Variants in DIS3L2 observed in about 807,000 individuals in gnomAD.
DIS3L2 encodes the protein DIS3 like 3'-5' exoribonuclease 2.
DIS3L2 carries 34 observed loss-of-function variants against 97.5 expected under a neutral mutation model. That is an observed-to-expected ratio of 0.35 (90% CI 0.27 to 0.46). The LOEUF (loss-of-function observed/expected upper bound fraction) is 0.46. Ranked by LOEUF, DIS3L2 falls within the 20% of genes least tolerant of loss-of-function variation. The pLI is 1.00. For synonymous variants in DIS3L2, 435 were observed against 445.2 expected (o/e 0.98, Z 0.29); for missense variants, 1,038 against 1,146.0 (o/e 0.91, Z 1.36).
rs1215895791 is a variant in DIS3L2 at position 232,293,026 on chromosome 2, A to G, written c.1660-7014A>G. Among the ~76,000 whole-genome samples, 1 of 152,162 alleles carries G rather than the reference A, an allele frequency of 6.6e-6. No homozygotes were observed. Among genetic ancestry groups the G allele is most frequent in the Non-Finnish European group, 1.5e-5 (1 of 68,030 alleles). On this transcript the variant is annotated intron_variant, in intron 13 of 20. Transcript: ENST00000325385. This position sits in a 1 kb window ranked among gnomAD's most constrained non-coding sequence, Gnocchi z 4.6. ...ACCTTGTGAAGTCTGAGTGGCTGCC[A>G]TTCTTGCAGGCTGACTTCCCAAGCT...
intron 13 of DIS3L2, among the ~76,000 whole-genome samples, chr2:232,283,793 A>C (rs1018792566): frequency 6.6e-6 from 1 of 151,884 alleles, no homozygotes; most frequent in African/African-American, 2.4e-5. Context: ...TGGCGGGGGG[A>C]GCAGAGGGTG....
chr2:232,225,651 A>ACCACCC (rs1692624686), intron 10 of DIS3L2, among the ~76,000 whole-genome samples: 2 of 152,306 alleles, frequency 1.3e-5, no homozygotes, highest in Non-Finnish European at 2.9e-5. Flanking sequence ...GTGGTTACCT[A>ACCACCC]AGTATATTTA....
At chr2:232,182,226 A>G (rs1227332344) in intron 9 of DIS3L2, among the ~76,000 whole-genome samples, 5 of 152,090 alleles carry the variant, frequency 3.3e-5, no homozygotes, top group Non-Finnish European at 1.5e-5. Context: ...TAATTTCTAC[A>G]TACTTGTGAA....
intron 1 of DIS3L2, among the ~76,000 whole-genome samples, chr2:232,003,100 G>A (rs1055223567): frequency 7.9e-5 from 12 of 152,166 alleles, no homozygotes; most frequent in East Asian, 3.8e-4. Flanking sequence ...TTAAAAAGAC[G>A]CTAAATTATT....
At chr2:232,115,328 A>G (rs886887133) in intron 6 of DIS3L2, among the ~76,000 whole-genome samples, 1 of 152,174 alleles carries the variant, frequency 6.6e-6, no homozygotes, top group East Asian at 1.9e-4. Flanking sequence ...AAACAAACCT[A>G]ATTCTGACAA....
intron 4 of DIS3L2, 115 bp from the exon 5 acceptor site, chr2:232,029,864 A>T: frequency 5.5e-6 from 4 of 721,130 alleles, no homozygotes; most frequent in Non-Finnish European, 9.2e-6. Flanking sequence ...AATACGAAAA[A>T]GGATAACCTA....
rs1693429953 is a variant in DIS3L2 at position 232,251,955 on chromosome 2, GAAGA to G, written c.1425+2614_1425+2617del. On this transcript the variant is annotated intron_variant, in intron 12 of 20. Transcript: ENST00000325385. ...TCACCAAAATGAAGGAGGAGTAAATGAAGAAAGAGGAAGACATGGGACGCAGGAA... is the reference window on the plus strand; with the variant it reads ...TCACCAAAATGAAGGAGGAGTAAATGAAGAGGAAGACATGGGACGCAGGAA... Among the ~76,000 whole-genome samples the G allele has an allele frequency of 2.6e-5, 4 of 152,058 alleles. No individual in the cohort carries two copies. In the South Asian group the frequency reaches 8.3e-4, roughly 32 times the overall value.
In DIS3L2 at chr2:232,210,272, G is replaced by T. The variant is rs547161091; in HGVS notation, c.1125-54G>T. 93 of 1,381,590 alleles carry T rather than the reference G, an allele frequency of 6.7e-5. No homozygotes were observed. In the East Asian group the frequency reaches 2.0e-3, roughly 30 times the overall value. The allele number at this position is 1,381,590 out of a possible 1,614,324, so 85.6% of individuals were successfully genotyped here. A position where few individuals can be genotyped will look rare whatever the true frequency, so the allele number is the denominator to read the frequency against. Reference sequence around the variant, plus strand: ...GTTCTTTAAAGCTGTACTATGGTGGGGTAAAGTTGCTATTATTTGTGGCAT... The same window carrying T: ...GTTCTTTAAAGCTGTACTATGGTGGTGTAAAGTTGCTATTATTTGTGGCAT... On this transcript the variant is annotated intron_variant, in intron 9 of 20. Transcript: ENST00000325385.
chr2:232,092,387 ATT>A (rs1696871126), intron 6 of DIS3L2, among the ~76,000 whole-genome samples: 1 of 151,570 alleles, frequency 6.6e-6, no homozygotes, highest in African/African-American at 2.4e-5. Flanking sequence ...AGCTTTGACT[ATT>A]TTGGATCTTT....
At chr2:232,326,486 C>T (rs975683056) in intron 14 of DIS3L2, among the ~76,000 whole-genome samples, 7 of 152,224 alleles carry the variant, frequency 4.6e-5, no homozygotes, top group African/African-American at 1.7e-4. Context: ...CAGGGGTCAG[C>T]CCCACCTTCA....
In DIS3L2 at chr2:232,037,281, G is replaced by A. The variant is rs1430396818; in HGVS notation, c.366+7201G>A. On this transcript the variant is annotated intron_variant, in intron 5 of 20. Coordinates refer to ENST00000325385, the MANE Select transcript of DIS3L2 (RefSeq NM_152383.5). The surrounding 1 kb of genome is among the most constrained non-coding windows in gnomAD (Gnocchi z 4.6). ...GGTAGTCTGGCTACAGGGGCTTTGCGGTGCTGTGGTGGGCTCCGCCCAGCT... is the reference window on the plus strand; with the variant it reads ...GGTAGTCTGGCTACAGGGGCTTTGCAGTGCTGTGGTGGGCTCCGCCCAGCT... Among the ~76,000 whole-genome samples the A allele has an allele frequency of 6.6e-6, 1 of 152,220 alleles. No individual in the cohort carries two copies. The highest frequency in any genetic ancestry group is 1.5e-5 in the Non-Finnish European group (1 of 68,040).
chr2:232,225,437 C>T (rs568128678), intron 10 of DIS3L2, among the ~76,000 whole-genome samples: 12 of 152,004 alleles, frequency 7.9e-5, no homozygotes, highest in Non-Finnish European at 1.5e-4. Context: ...ATATCAAAAA[C>T]GCTGTGTTGA....
At chr2:232,240,077 C>G (rs1574965871) in intron 11 of DIS3L2, among the ~76,000 whole-genome samples, 1 of 152,228 alleles carries the variant, frequency 6.6e-6, no homozygotes, top group Non-Finnish European at 1.5e-5. Context: ...ACAAAGGGAG[C>G]TAGCCTAGAT....
At chr2:231,966,089 A>G (rs1319626211) in intron 1 of DIS3L2, among the ~76,000 whole-genome samples, 3 of 152,184 alleles carry the variant, frequency 2.0e-5, no homozygotes, top group African/African-American at 7.2e-5. Context: ...ATGAGTGGAT[A>G]GATCCCTCTG....
intron 9 of DIS3L2, among the ~76,000 whole-genome samples, chr2:232,194,078 C>A (rs1691684311): frequency 6.6e-6 from 1 of 151,874 alleles, no homozygotes; most frequent in Non-Finnish European, 1.5e-5. Flanking sequence ...CCACTGAACT[C>A]CAGCCTGGGT....
chr2:232,102,594 AC>A (rs1393866181), intron 6 of DIS3L2, among the ~76,000 whole-genome samples: 1 of 152,242 alleles, frequency 6.6e-6, no homozygotes, highest in East Asian at 1.9e-4. Flanking sequence ...GTGCAAACAC[AC>A]GTGCATATAC....
intron 1 of DIS3L2, among the ~76,000 whole-genome samples, chr2:231,974,980 A>G (rs1693039312): frequency 6.6e-6 from 1 of 152,238 alleles, no homozygotes; most frequent in South Asian, 2.1e-4. Context: ...ACAATACAAT[A>G]ATTATTGAAA....
intron 13 of DIS3L2, among the ~76,000 whole-genome samples, chr2:232,284,792 A>G (rs530646810): frequency 1.8e-4 from 27 of 152,258 alleles, no homozygotes; most frequent in African/African-American, 6.5e-4. Flanking sequence ...CCTCTACCAG[A>G]TCATTCTCTA....
At chr2:232,175,038 G>A (rs1210184605) in intron 9 of DIS3L2, among the ~76,000 whole-genome samples, 4 of 151,778 alleles carry the variant, frequency 2.6e-5, no homozygotes, top group African/African-American at 4.8e-5. Context: ...TGTGTTGCCC[G>A]GGCTGCTCTT....
Sources: gnomAD v4.1 joint callset for allele counts (sites outside exome capture counted in the v4.1 genomes callset) on GRCh38, gnomAD v4.1.1 for gene constraint, Gnocchi (gnomAD v3.1) non-coding constraint, MANE v1.5 for transcripts, NCBI Gene and HGNC (gene_info 2026-07-23, HGNC 2026-07-21) for gene names.